The following TENM1 variants were observed in gnomAD, a reference collection of about 807,000 sequenced individuals.
TENM1 encodes teneurin-1.
In TENM1, 35 loss-of-function variants were observed where a neutral mutation model predicts 174.8. The observed-to-expected ratio is 0.20, with a 90% CI of 0.15 to 0.27. The LOEUF (loss-of-function observed/expected upper bound fraction) is 0.27. TENM1 is among the 10% of genes least tolerant of loss of function. The pLI is 1.00. For missense variants in TENM1, 1,633 were observed against 2,130.1 expected, an observed-to-expected ratio of 0.77 and a Z score of 4.59; for synonymous variants, 781 against 798.7, an observed-to-expected ratio of 0.98 and a Z score of 0.37.
At chrX:124,522,902 G>C (rs1001132898) in intron 17 of TENM1, among the ~76,000 whole-genome samples, 4 of 111,188 alleles carry the variant, frequency 3.6e-5, no homozygotes, top group Non-Finnish European at 7.5e-5. Flanking sequence ...TGGTCAGGCT[G>C]GTCTTGAACT....
the TENM1 span, among the ~76,000 whole-genome samples, chrX:125,089,200 G>C: frequency 9.0e-6 from 1 of 111,426 alleles, no homozygotes; most frequent in African/African-American, 3.3e-5. Flanking sequence ...TAAATTTTCG[G>C]GGTCATTTTT....
chrX:124,603,300 A>G (rs2050072916), intron 11 of TENM1, among the ~76,000 whole-genome samples: 1 of 112,060 alleles, frequency 8.9e-6, no homozygotes, highest in African/African-American at 3.2e-5. Context: ...GTTGCACTGT[A>G]GTTATCAAGA....
chrX:124,697,398 GC>G (rs2052675671), intron 5 of TENM1, among the ~76,000 whole-genome samples: 1 of 111,115 alleles, frequency 9.0e-6, no homozygotes, highest in Admixed American at 9.6e-5. Flanking sequence ...CGTGGGTCTT[GC>G]CTGTATGGAG....
At chrX:124,981,104 A>G in the TENM1 span, among the ~76,000 whole-genome samples, 7 of 111,664 alleles carry the variant, frequency 6.3e-5, no homozygotes, top group Non-Finnish European at 1.1e-4. Flanking sequence ...TTCACACACA[A>G]TATTATAATT....
chrX:125,152,011 T>C, the TENM1 span, among the ~76,000 whole-genome samples: 1 of 111,779 alleles, frequency 8.9e-6, no homozygotes, highest in African/African-American at 3.3e-5. Flanking sequence ...ATCCCAGTAC[T>C]CTGGGAGGCT....
At position 124,674,303 on chromosome X, in the gene TENM1, CAAAAAAAAAAAAAAA is replaced by C. The variant is rs745969451; in HGVS notation, c.1016-2483_1016-2469del. 6.0e-4 allele frequency among the ~76,000 whole-genome samples: 10 copies of C among 16,621 alleles called. No individual in the cohort carries two copies. The South Asian group carries it at 0.051, about 85-fold the overall frequency. 14.4% of individuals were successfully genotyped at this position (16,621 alleles called of 115,157 possible). On this transcript the variant is annotated intron_variant, in intron 5 of 31. Coordinates refer to ENST00000422452, the Ensembl canonical transcript of TENM1. ...ACATCAACCAAATCCTATCAAAAGGCAAAAAAAAAAAAAAAAAAAAAAAAAAGTGAATCTGCTCAT... is the reference window on the plus strand; with the variant it reads ...ACATCAACCAAATCCTATCAAAAGGCAAAAAAAAAAAGTGAATCTGCTCAT...
chrX:125,106,439 T>C, the TENM1 span, among the ~76,000 whole-genome samples: 56 of 107,145 alleles, frequency 5.2e-4, no homozygotes, highest in Non-Finnish European at 7.9e-4. Flanking sequence ...AGATGGAGTC[T>C]CGCTCTGCCG....
At chrX:124,966,616 C>T (rs1449686229), upstream of TENM1, among the ~76,000 whole-genome samples, 4 of 105,062 alleles carry the variant, frequency 3.8e-5, no homozygotes, top group Non-Finnish European at 7.8e-5. Context: ...GAGCCGAGAT[C>T]GCGCCACTGC....
At chrX:124,756,960 A>T (rs1841323457) in intron 3 of TENM1, among the ~76,000 whole-genome samples, 1 of 112,053 alleles carries the variant, frequency 8.9e-6, no homozygotes, top group African/African-American at 3.2e-5. Flanking sequence ...CCACTTGAGG[A>T]GGCAGTCTGC....
At chrX:124,595,271 T>C (rs2049863721) in intron 11 of TENM1, among the ~76,000 whole-genome samples, 1 of 111,961 alleles carries the variant, frequency 8.9e-6, no homozygotes, top group South Asian at 3.7e-4. Context: ...CACACAAAAG[T>C]AACTATGTGA....
At chrX:125,200,654 T>TGAGAGAGAGAGAGAGAGAGAGA in the TENM1 span, among the ~76,000 whole-genome samples, 10 of 92,416 alleles carry the variant, frequency 1.1e-4, no homozygotes, top group African/African-American at 3.4e-4. Flanking sequence ...TGTGTGTGTG[T>TGAGAGAGAGAGAGAGAGAGAGA]GAGAGAGAGA....
intron 3 of TENM1, among the ~76,000 whole-genome samples, chrX:124,806,011 A>C (rs1020207052): frequency 2.7e-5 from 3 of 112,168 alleles, no homozygotes; most frequent in Non-Finnish European, 5.6e-5. Context: ...CTGGCAAAGA[A>C]TTCAAAAGAA....
intron 22 of TENM1, among the ~76,000 whole-genome samples, chrX:124,458,364 C>T (rs947577740): frequency 9.0e-6 from 1 of 111,710 alleles, no homozygotes; most frequent in African/African-American, 3.3e-5. Flanking sequence ...TTACAGATTT[C>T]TGTGTGTCAC....
At chrX:124,794,569 A>G (rs1330064034) in intron 3 of TENM1, among the ~76,000 whole-genome samples, 9 of 110,959 alleles carry the variant, frequency 8.1e-5, no homozygotes, top group Non-Finnish European at 1.7e-4. Flanking sequence ...TCATCTGAAT[A>G]AGTACAATAG....
chrX:124,486,176 C>A (rs2147947852), intron 21 of TENM1, among the ~76,000 whole-genome samples: 1 of 111,511 alleles, frequency 9.0e-6, no homozygotes, highest in African/African-American at 3.3e-5. Flanking sequence ...TGCTTTAATC[C>A]CTTGTGTCTC....
At chrX:124,654,440 G>A (rs2051387469) in intron 6 of TENM1, among the ~76,000 whole-genome samples, 1 of 112,436 alleles carries the variant, frequency 8.9e-6, no homozygotes. Flanking sequence ...GAACATAGAC[G>A]ATACATATGT....
At chrX:124,588,741 T>C (rs1469203579) in intron 11 of TENM1, among the ~76,000 whole-genome samples, 8 of 111,964 alleles carry the variant, frequency 7.1e-5, no homozygotes, top group African/African-American at 2.6e-4. Context: ...TTTTGTACAT[T>C]GATCTGTGTA....
intron 4 of TENM1, among the ~76,000 whole-genome samples, chrX:124,713,403 G>T: frequency 9.0e-6 from 1 of 111,000 alleles, no homozygotes; most frequent in Admixed American, 9.6e-5. Context: ...CCAGTAGCTG[G>T]GATTACAGGC....
At chrX:124,550,679 T>C (rs2048539456) in intron 14 of TENM1, among the ~76,000 whole-genome samples, 1 of 112,014 alleles carries the variant, frequency 8.9e-6, no homozygotes, top group African/African-American at 3.2e-5. Flanking sequence ...AGTGCATGAC[T>C]ATACATAGGT....
Sources: allele counts gnomAD v4.1 joint callset (sites outside exome capture counted in the v4.1 genomes callset), GRCh38; gene constraint gnomAD v4.1.1; transcripts MANE v1.5; gene names NCBI Gene and HGNC (gene_info 2026-07-23, HGNC 2026-07-21).